The following OLAH variants were observed in gnomAD, a reference collection of about 807,000 sequenced individuals.
The protein encoded by OLAH is oleoyl-ACP hydrolase.
OLAH carries 33 observed loss-of-function variants against 27.8 expected under a neutral mutation model. The observed-to-expected ratio is 1.19, with a 90% CI of 0.90 to 1.59. OLAH has a LOEUF of 1.59. OLAH is among the 40% of genes most tolerant of loss of function. The pLI, the probability that OLAH is intolerant of heterozygous loss-of-function variation, is 0.00. For missense variants in OLAH, 359 were observed against 310.8 expected, an observed-to-expected ratio of 1.16 and a Z score of -1.17; for synonymous variants, 120 against 102.9, an observed-to-expected ratio of 1.17 and a Z score of -1.01.
intron 1 of OLAH, among the ~76,000 whole-genome samples, chr10:15,037,540 C>T (rs921747229): frequency 2.7e-5 from 4 of 149,894 alleles, no homozygotes; most frequent in Admixed American, 1.4e-4. Flanking sequence ...AAGATTGCAC[C>T]ACTGCACGCC....
chr10:15,064,260 T>TA (rs1844422973), intron 4 of OLAH, 143 bp from the exon 5 acceptor site: 1 of 609,170 alleles, frequency 1.6e-6, no homozygotes, highest in Non-Finnish European at 2.9e-6. Flanking sequence ...ACTGAAAAGA[T>TA]AGACTTCTTA....
intron 3 of OLAH, among the ~76,000 whole-genome samples, chr10:15,059,813 T>A (rs952146368): frequency 1.1e-4 from 16 of 152,150 alleles, no homozygotes; most frequent in South Asian, 4.2e-4. Context: ...CTCAAAAAAA[T>A]AAATAAATAA....
chr10:15,040,265 G>A (rs147206068), upstream of OLAH, among the ~76,000 whole-genome samples: 259 of 152,104 alleles, frequency 1.7e-3, no homozygotes, highest in African/African-American at 5.6e-3. Flanking sequence ...CTTCCAACCT[G>A]CCAGTCTCAT....
upstream of OLAH, among the ~76,000 whole-genome samples, chr10:15,042,145 C>G (rs959278051): frequency 6.6e-5 from 10 of 151,850 alleles, no homozygotes; most frequent in Admixed American, 4.6e-4. Flanking sequence ...AACAAATACA[C>G]ATGGTATTTT....
chr10:15,049,861 A>T (rs1381291017), intron 3 of OLAH, 96 bp downstream of exon 3: 2 of 1,175,070 alleles, frequency 1.7e-6, no homozygotes, highest in African/African-American at 3.2e-5. Context: ...CCTTCCTGGT[A>T]GGTAATTGAT....
At chr10:15,041,345 C>T (rs1465622851), upstream of OLAH, among the ~76,000 whole-genome samples, 1 of 151,038 alleles carries the variant, frequency 6.6e-6, no homozygotes, top group African/African-American at 2.4e-5. Context: ...ATGGTGCGAT[C>T]TTGGCTCACT....
chr10:15,032,791 TGTG>T (rs1843779756), intron 1 of OLAH, among the ~76,000 whole-genome samples: 1 of 152,170 alleles, frequency 6.6e-6, no homozygotes, highest in African/African-American at 2.4e-5. Flanking sequence ...TTCTGAGAAG[TGTG>T]GTAATGAAAT....
chr10:15,052,644 C>T (rs1844166770), intron 3 of OLAH, among the ~76,000 whole-genome samples: 1 of 133,910 alleles, frequency 7.5e-6, no homozygotes, highest in Admixed American at 7.6e-5. Flanking sequence ...TGTTGTCTTG[C>T]TTCAGATTTT....
intron 1 of OLAH, among the ~76,000 whole-genome samples, chr10:15,033,690 G>A (rs962781876): frequency 3.9e-5 from 6 of 152,140 alleles, no homozygotes; most frequent in African/African-American, 1.4e-4. Context: ...TTGCAAGATG[G>A]TACTTTGAAC....
chr10:15,039,106 G>C (rs1223091682), upstream of OLAH, among the ~76,000 whole-genome samples: 1 of 151,952 alleles, frequency 6.6e-6, no homozygotes, highest in African/African-American at 2.4e-5. Context: ...TGCACCTCTA[G>C]TCCTAGTTAC....
chr10:15,064,495 C>G lies in OLAH; in HGVS notation c.395C>G (p.Pro132Arg), dbSNP rs1844428693. ...CATTTATTTTTGTCAAGTGCAACTCCTGTACATGTAAGTAATTTAGCTTTT... is the reference window on the plus strand; with the variant it reads ...CATTTATTTTTGTCAAGTGCAACTCGTGTACATGTAAGTAATTTAGCTTTT... ...PLHLFLSSATPVHSKAWHRIP... is the reference protein window; with the variant it reads ...PLHLFLSSATRVHSKAWHRIP... Residue 132 changes from proline (P) to arginine (R), a missense_variant, in exon 5 of 8, where the codon CCT becomes CGT. Pro to Arg is a moderately radical substitution (Grantham distance 103). Coordinates refer to ENST00000378228, the MANE Select transcript of OLAH (RefSeq NM_001039702.3). The G allele has an allele frequency of 1.3e-6, 2 of 1,576,126 alleles. No individual in the cohort carries two copies. Among genetic ancestry groups the G allele is most frequent in the East Asian group, 4.7e-5 (2 of 42,948 alleles).
chr10:15,036,100 G>A (rs1035299502), intron 1 of OLAH, among the ~76,000 whole-genome samples: 2 of 152,162 alleles, frequency 1.3e-5, no homozygotes, highest in Non-Finnish European at 2.9e-5. Context: ...TGGCCCAGAC[G>A]CTGATTAACT....
intron 3 of OLAH, among the ~76,000 whole-genome samples, chr10:15,055,424 A>C (rs572167439): frequency 6.6e-6 from 1 of 151,912 alleles, no homozygotes; most frequent in Non-Finnish European, 1.5e-5. Flanking sequence ...ATCCTTCTTT[A>C]TTTTTAGCTA....
At chr10:15,058,404 A>G (rs1238442616) in intron 3 of OLAH, among the ~76,000 whole-genome samples, 2 of 152,234 alleles carry the variant, frequency 1.3e-5, no homozygotes, top group African/African-American at 4.8e-5. Context: ...TCCAAAACAC[A>G]TCTTTAAATG....
At chr10:15,071,135 C>G (rs1324471977) in intron 6 of OLAH, among the ~76,000 whole-genome samples, 1 of 152,040 alleles carries the variant, frequency 6.6e-6, no homozygotes, top group African/African-American at 2.4e-5. Flanking sequence ...GGCTCTATGC[C>G]CTTTGACTGG....
At position 15,037,727 on chromosome 10, in the gene OLAH, G is replaced by A. The variant is rs535099151; in HGVS notation, c.-164+5377G>A. ...CAGGCAGCAGAGTGTCTGAGATGAA[G>A]GAATAGTATAGGAAATCTCATATTG... On this transcript the variant is annotated intron_variant, in intron 1 of 3. Coordinates refer to the OLAH transcript ENST00000413672. Among the ~76,000 whole-genome samples, 7 of 152,240 alleles carry A rather than the reference G, an allele frequency of 4.6e-5. No individual in the cohort carries two copies. The South Asian group carries it at 1.5e-3, about 32-fold the overall frequency.
At chr10:15,050,671 G>T (rs1052802615) in intron 3 of OLAH, among the ~76,000 whole-genome samples, 1 of 150,838 alleles carries the variant, frequency 6.6e-6, no homozygotes, top group African/African-American at 2.4e-5. Context: ...CTCCCAAGTA[G>T]CTGGAACTAC....
intron 1 of OLAH, among the ~76,000 whole-genome samples, chr10:15,032,599 C>G (rs1320148569): frequency 7.2e-6 from 1 of 138,058 alleles, no homozygotes; most frequent in Non-Finnish European, 1.5e-5. Flanking sequence ...CCAGCCTGGG[C>G]GACAGAGTGA....
intron 1 of OLAH, among the ~76,000 whole-genome samples, chr10:15,046,380 TTC>T (rs998075265): frequency 6.6e-6 from 1 of 152,182 alleles, no homozygotes; most frequent in African/African-American, 2.4e-5. Flanking sequence ...GTTATTTTTC[TTC>T]TCTTTTCTGA....
Sources: gnomAD v4.1 joint callset for allele counts (sites outside exome capture counted in the v4.1 genomes callset) on GRCh38, gnomAD v4.1.1 for gene constraint, MANE v1.5 for transcripts, NCBI Gene and HGNC (gene_info 2026-07-23, HGNC 2026-07-21) for gene names.